The following TRPC3 variants were observed in gnomAD, a reference collection of about 807,000 sequenced individuals.
The protein encoded by TRPC3 is short transient receptor potential channel 3.
TRPC3 carries 54 observed loss-of-function variants against 90.9 expected under a neutral mutation model. The observed-to-expected ratio is 0.59, with a 90% CI of 0.48 to 0.75. The LOEUF (loss-of-function observed/expected upper bound fraction) is 0.75, where lower values mean the gene tolerates loss of function less well. Among genes scored for constraint, TRPC3 ranks in the 30% least tolerant of loss-of-function variants. TRPC3 has a pLI of 0.00. For missense variants in TRPC3, 918 were observed against 1,194.5 expected (o/e 0.77, Z 3.41); for synonymous variants, 424 against 450.9 (o/e 0.94, Z 0.75).
At position 121,904,451 on chromosome 4, in the gene TRPC3, C is replaced by G. The variant is rs191516602; in HGVS notation, c.2124G>C (p.Val708=). ...IFGLSEVTSV[V]LKYDHKFIEN... Reference sequence around the variant, plus strand: ...CTATGAATTTGTGATCATATTTGAGCACAACGGAAGTCACTTCAGACAACC... The same window carrying G: ...CTATGAATTTGTGATCATATTTGAGGACAACGGAAGTCACTTCAGACAACC... Residue 708 remains valine (V), a synonymous_variant, in exon 8 of 12, where the codon GTG becomes GTC. Transcript: ENST00000379645. 4 of 1,604,256 alleles carry G rather than the reference C, an allele frequency of 2.5e-6. No homozygotes were observed.
rs1727752332 is a variant in TRPC3, at chr4:121,876,024, G to A, written c.*3712C>T. 6.7e-6 allele frequency among the ~76,000 whole-genome samples: 1 copy of A among 149,586 alleles called. No individual in the cohort carries two copies. The highest frequency in any genetic ancestry group is 2.5e-5 in the African/African-American group (1 of 40,610). ...AGTTATCCTCTCACCCCAGCCTCCT[G>A]AGTAACTGGAACCACAGACACATGC... On this transcript the variant is annotated 3_prime_UTR_variant, in exon 12 of 12. Coordinates refer to ENST00000379645, the MANE Select transcript of TRPC3 (RefSeq NM_001130698.2).
Position 121,951,548 on chromosome 4 carries a change from C to G in TRPC3, c.133G>C (p.Gly45Arg), listed in dbSNP as rs1005455486. ...RRRRGWRGVN[G>R]GLEPRSAPSQ... ...GGCGCCGAGCGCGGCTCCAGCCCCCCGTTGACGCCCCTCCAGCCCCGGCGG... is the reference window on the plus strand; with the variant it reads ...GGCGCCGAGCGCGGCTCCAGCCCCCGGTTGACGCCCCTCCAGCCCCGGCGG... Residue 45 changes from glycine (G) to arginine (R), a missense_variant, in exon 1 of 12, where the codon GGG becomes CGG. Physicochemically the swap from Gly to Arg is moderately radical, Grantham distance 125 (BLOSUM62 -2). This residue lies in a region of TRPC3 where 609 missense variants were observed against 725.9 expected (regional missense o/e 0.84). Transcript: ENST00000379645. This position sits in a 1 kb window ranked among gnomAD's most constrained non-coding sequence, Gnocchi z 4.4. 2.1e-6 allele frequency: 3 copies of G among 1,426,232 alleles called. No homozygotes were observed. Among genetic ancestry groups the G allele is most frequent in the Admixed American group, 3.0e-5 (1 of 33,704 alleles). The allele number at this position is 1,426,232 out of a possible 1,614,324, so 88.3% of individuals were successfully genotyped here.
Position 121,876,975 on chromosome 4 carries a change from T to A in TRPC3, c.*2761A>T, listed in dbSNP as rs115756990. Reference sequence around the variant, plus strand: ...GGCTTTGACAATCCTTTAATTAATGTTTTTTTCTATAAAGTTGTTTTTGGT... The same window carrying A: ...GGCTTTGACAATCCTTTAATTAATGATTTTTTCTATAAAGTTGTTTTTGGT... On this transcript the variant is annotated 3_prime_UTR_variant, in exon 12 of 12. Coordinates refer to ENST00000379645, the MANE Select transcript of TRPC3 (RefSeq NM_001130698.2). Among the ~76,000 whole-genome samples the A allele has an allele frequency of 1.7e-3, 265 of 152,312 alleles. No individual in the cohort carries two copies. Among genetic ancestry groups the A allele is most frequent in the African/African-American group, 6.1e-3 (255 of 41,562 alleles).
chr4:121,875,844 C>T lies in TRPC3; in HGVS notation c.*3892G>A, dbSNP rs567285684. Among the ~76,000 whole-genome samples, 6 of 148,290 alleles carry T rather than the reference C, an allele frequency of 4.0e-5. No individual in the cohort carries two copies. The South Asian group carries it at 1.3e-3, about 32-fold the overall frequency. On this transcript the variant is annotated 3_prime_UTR_variant, in exon 12 of 12. Coordinates refer to ENST00000379645, the MANE Select transcript of TRPC3 (RefSeq NM_001130698.2). Reference sequence around the variant, plus strand: ...CACATGGTATAAATTTAGAAATTCTCAAACTCTTTTTTAAACTGAACAAAG... The same window carrying T: ...CACATGGTATAAATTTAGAAATTCTTAAACTCTTTTTTAAACTGAACAAAG...
chr4:121,923,844 T>A (rs1215339388), intron 3 of TRPC3, among the ~76,000 whole-genome samples: 2 of 152,210 alleles, frequency 1.3e-5, no homozygotes, highest in African/African-American at 4.8e-5. Context: ...ATTGACCAAC[T>A]TCATAAAACC....
intron 3 of TRPC3, 62 bp downstream of exon 3, chr4:121,924,956 T>G: frequency 6.7e-7 from 1 of 1,501,250 alleles, no homozygotes; most frequent in Non-Finnish European, 9.0e-7. Flanking sequence ...CCTAGGATTA[T>G]GGCATAGTTT....
chr4:121,879,900 A>G (rs1727884178), intron 11 of TRPC3, 22 bp from the exon 12 acceptor site: 2 of 1,516,076 alleles, frequency 1.3e-6, no homozygotes, highest in African/African-American at 2.9e-5. Context: ...ATATTAAAAA[A>G]TTATTGGTAA....
rs1727974126 is a variant in TRPC3, at chr4:121,882,403, C to T, written c.2574G>A (p.Arg858=). Reference sequence around the variant, plus strand: ...TGTCTACTTGTGCTTTCAAAACATACCGCTTTATAAGTCTTTTCATTATCT... The same window carrying T: ...TGTCTACTTGTGCTTTCAAAACATATCGCTTTATAAGTCTTTTCATTATCT... ...YQQIMKRLIK[R]YVLKAQVDKE... is the part of the protein sequence containing the mutation. Residue 858 remains arginine (R), a synonymous_variant, in exon 11 of 12, where the codon CGG becomes CGA. Coordinates refer to ENST00000379645, the MANE Select transcript of TRPC3 (RefSeq NM_001130698.2). 3.1e-6 allele frequency: 5 copies of T among 1,610,546 alleles called. No homozygotes were observed. The highest frequency in any genetic ancestry group is 1.7e-5 in the Admixed American group (1 of 59,714).
intron 10 of TRPC3, among the ~76,000 whole-genome samples, chr4:121,891,403 G>A (rs771270438): frequency 4.6e-5 from 7 of 152,250 alleles, no homozygotes; most frequent in Middle Eastern, 3.4e-3. Flanking sequence ...AAAAAGACTG[G>A]TGGTGAATAC....
intron 4 of TRPC3, among the ~76,000 whole-genome samples, chr4:121,912,727 TG>T (rs1192566216): frequency 1.3e-4 from 20 of 152,220 alleles, no homozygotes; most frequent in Non-Finnish European, 2.8e-4. Context: ...TTAACTTATT[TG>T]AAAGTGATCT....
intron 9 of TRPC3, 102 bp downstream of exon 9, chr4:121,902,750 T>A: frequency 1.2e-6 from 1 of 857,760 alleles, no homozygotes; most frequent in South Asian, 1.8e-5. Context: ...ACTTTTAACA[T>A]CTTCTAAGTT....
intron 11 of TRPC3, among the ~76,000 whole-genome samples, chr4:121,881,045 TG>T (rs1446513140): frequency 2.6e-5 from 4 of 152,046 alleles, no homozygotes; most frequent in Non-Finnish European, 4.4e-5. Context: ...CAGACTTCAG[TG>T]GAAGGAGTGG....
intron 4 of TRPC3, 151 bp downstream of exon 4, chr4:121,914,629 T>C (rs566054381): frequency 1.2e-6 from 1 of 827,660 alleles, no homozygotes; most frequent in Admixed American, 3.1e-5. Flanking sequence ...TTTGAATTGA[T>C]CCAGTAATTA....
chr4:121,913,673 ATTAT>A (rs3840268), intron 4 of TRPC3, among the ~76,000 whole-genome samples: 40,929 of 151,982 alleles, frequency 0.27, 6,120 homozygotes, highest in East Asian at 0.4. Context: ...GCTCTCTCAT[ATTAT>A]TTATAGTTTT....
At chr4:121,924,505 C>T (rs185254313) in intron 3 of TRPC3, among the ~76,000 whole-genome samples, 2 of 152,184 alleles carry the variant, frequency 1.3e-5, no homozygotes, top group Admixed American at 1.3e-4. Flanking sequence ...CTTTACCCCC[C>T]ACAAAAAACT....
Position 121,879,516 on chromosome 4 carries a change from T to A in TRPC3, c.*220A>T. The A allele has an allele frequency of 2.0e-6, 1 of 493,764 alleles. No homozygotes were observed. The highest frequency in any genetic ancestry group is 3.4e-6 in the Non-Finnish European group (1 of 290,432). The allele number at this position is 493,764 out of a possible 1,614,324, so 30.6% of individuals were successfully genotyped here. ...TTCAATAATATAGTAATATTGGGCT[T>A]TTCAACACAATGGTATGCCACTGTA... On this transcript the variant is annotated 3_prime_UTR_variant, in exon 12 of 12. Transcript: ENST00000379645.
In TRPC3 at chr4:121,899,843, A is replaced by G. The variant is rs72919950; in HGVS notation, c.2464-148T>C. ...AGTTGAGCTTTGTAAGTGATGTAAT[A>G]TATTCCCAAAGGTTAAAATTACTGT... On this transcript the variant is annotated intron_variant, in intron 9 of 11. Coordinates refer to ENST00000379645, the MANE Select transcript of TRPC3 (RefSeq NM_001130698.2). 2.5e-3 allele frequency: 1,577 copies of G among 641,110 alleles called. 17 individuals carry two copies. The African/African-American group carries it at 0.026, about 11-fold the overall frequency. 39.7% of individuals were successfully genotyped at this position (641,110 alleles called of 1,614,324 possible).
Position 121,951,588 on chromosome 4 carries a change from C to G in TRPC3, c.93G>C (p.Ala31=). 2 of 1,454,700 alleles carry G rather than the reference C, an allele frequency of 1.4e-6. No homozygotes were observed. The highest frequency in any genetic ancestry group is 1.8e-6 in the Non-Finnish European group (2 of 1,099,366). 90.1% of individuals were successfully genotyped at this position (1,454,700 alleles called of 1,614,324 possible). A position where few individuals can be genotyped will look rare whatever the true frequency, so the allele number is the denominator to read the frequency against. The stretch of plus-strand genomic sequence containing the variant: ...AGCCCCGGCGGCGGCGCTGCGGCTC[C>G]GCGCCCTCGTCCTCGCCCTCGTCTT... The part of the protein sequence containing the change: ...EEEDEGEDEG[A]EPQRRRRGWR... The change falls in exon 1 of 12, where the codon GCG becomes GCC. Residue 31 remains alanine (A), a synonymous_variant. Coordinates refer to ENST00000379645, the MANE Select transcript of TRPC3 (RefSeq NM_001130698.2). The surrounding 1 kb of genome is among the most constrained non-coding windows in gnomAD (Gnocchi z 4.4).
At chr4:121,933,168 T>C in intron 1 of TRPC3, 126 bp from the exon 2 acceptor site, 1 of 1,384,842 alleles carries the variant, frequency 7.2e-7, no homozygotes, top group Non-Finnish European at 9.4e-7. Flanking sequence ...GTCGGCTCAG[T>C]TGCTAGCGAT....
Sources: allele counts gnomAD v4.1 joint callset (sites outside exome capture counted in the v4.1 genomes callset), GRCh38; gene constraint gnomAD v4.1.1; regional missense constraint gnomAD v4.1.1; non-coding constraint Gnocchi (gnomAD v3.1); transcripts MANE v1.5; gene names NCBI Gene and HGNC (gene_info 2026-07-23, HGNC 2026-07-21).